PKNOX2: variants seen among roughly 807,000 people sequenced by gnomAD.
PKNOX2 encodes the protein homeobox protein PKNOX2.
In PKNOX2, 14 loss-of-function variants were observed where a neutral mutation model predicts 53.1. The ratio of observed to expected loss-of-function variants is 0.26; its 90% CI spans 0.17 to 0.41. The LOEUF is 0.41. PKNOX2 is among the 10% of genes least tolerant of loss of function. The pLI is 1.00. For missense variants in PKNOX2, 496 were observed against 602.8 expected, an observed-to-expected ratio of 0.82 and a Z score of 1.85; for synonymous variants, 257 against 242.8, an observed-to-expected ratio of 1.06 and a Z score of -0.54.
intron 2 of PKNOX2, among the ~76,000 whole-genome samples, chr11:125,254,311 G>A (rs1304907948): frequency 2.0e-5 from 3 of 152,252 alleles, no homozygotes; most frequent in Non-Finnish European, 2.9e-5. Context: ...CTGCAAAGGG[G>A]CGATGGGGTT....
intron 7 of PKNOX2, among the ~76,000 whole-genome samples, chr11:125,401,381 A>G (rs1358409775): frequency 6.6e-6 from 1 of 152,196 alleles, no homozygotes; most frequent in Non-Finnish European, 1.5e-5. Context: ...GAGGCGGGAA[A>G]GTCAGGAGGA....
chr11:125,367,809 A>G lies in PKNOX2; in HGVS notation c.88-37A>G, dbSNP rs748591045. ...CAGCCTGGAGACCAGCACCCTGGCC[A>G]TGCTAACCCACCACCTCCCCTTTCT... On this transcript the variant is annotated intron_variant, in intron 4 of 12. Coordinates refer to ENST00000298282, the MANE Select transcript of PKNOX2 (RefSeq NM_001382323.2). 10 of 1,597,140 alleles carry G rather than the reference A, an allele frequency of 6.3e-6. No individual in the cohort carries two copies. The East Asian group carries it at 9.0e-5, about 14-fold the overall frequency.
At chr11:125,378,882 C>G (rs796778880) in intron 5 of PKNOX2, among the ~76,000 whole-genome samples, 1 of 152,108 alleles carries the variant, frequency 6.6e-6, no homozygotes, top group African/African-American at 2.4e-5. Flanking sequence ...GCATCTTCGC[C>G]TCTCTGAAGC....
chr11:125,180,904 G>T lies in PKNOX2; in HGVS notation c.-201+16128G>T, dbSNP rs115379875. On this transcript the variant is annotated intron_variant, in intron 1 of 12. Transcript: ENST00000298282. ...CTGTCAAGGTCAATCCACAGGAAAT[G>T]ATTATTTAGCTCTGACTTGGTAGAG... 5.6e-3 allele frequency among the ~76,000 whole-genome samples: 855 copies of T among 152,326 alleles called. 10 individuals are homozygous for T. Among genetic ancestry groups the T allele is most frequent in the African/African-American group, 0.02 (819 of 41,558 alleles).
intron 1 of PKNOX2, among the ~76,000 whole-genome samples, chr11:125,189,445 GTGTATATATATATATATATATATATA>G (rs1472779291): frequency 7.9e-5 from 4 of 50,584 alleles, no homozygotes; most frequent in East Asian, 1.1e-3. Context: ...GTGTGTGTGT[GTGTATATATATATATATATATATATA>G]TATATATATA....
intron 3 of PKNOX2, chr11:125,332,702 A>C (rs748058526): frequency 1.3e-5 from 2 of 152,100 alleles, no homozygotes; most frequent in Non-Finnish European, 2.9e-5. Flanking sequence ...AGTTTCCCTG[A>C]TGTCTTAGGG....
intron 1 of PKNOX2, among the ~76,000 whole-genome samples, chr11:125,175,424 C>G (rs532783504): frequency 4.6e-5 from 7 of 152,316 alleles, no homozygotes; most frequent in African/African-American, 1.7e-4. Flanking sequence ...GCTGCCACAG[C>G]TAGCTTGCAG....
At position 125,431,737 on chromosome 11, in the gene PKNOX2, A is replaced by G. The variant is rs185557835; in HGVS notation, c.*345A>G. 121 of 309,572 alleles carry G rather than the reference A, an allele frequency of 3.9e-4. 2 individuals carry two copies. The East Asian group carries it at 7.2e-3, about 18-fold the overall frequency. 19.2% of individuals were successfully genotyped at this position (309,572 alleles called of 1,614,324 possible). ...ACCCACGGAAGGACTTGAGTTGTTT[A>G]CAAGCCCTGCACTGAGGCAGATTGG... On this transcript the variant is annotated 3_prime_UTR_variant, in exon 13 of 13. Coordinates refer to ENST00000298282, the MANE Select transcript of PKNOX2 (RefSeq NM_001382323.2).
At chr11:125,315,033 A>G (rs891651212) in intron 2 of PKNOX2, among the ~76,000 whole-genome samples, 2 of 152,144 alleles carry the variant, frequency 1.3e-5, no homozygotes, top group Non-Finnish European at 2.9e-5. Context: ...GGAGCCGGAC[A>G]GAGTCCTCTC....
intron 2 of PKNOX2, among the ~76,000 whole-genome samples, chr11:125,248,684 G>A (rs1943745744): frequency 6.8e-6 from 1 of 147,616 alleles, no homozygotes; most frequent in African/African-American, 2.5e-5. Flanking sequence ...TGTTATGTAT[G>A]TTATATATAC....
intron 4 of PKNOX2, among the ~76,000 whole-genome samples, chr11:125,364,023 C>T (rs1952057814): frequency 6.6e-6 from 1 of 152,190 alleles, no homozygotes; most frequent in South Asian, 2.1e-4. Flanking sequence ...GCAGTTTCAG[C>T]CCACTGCTTA....
At chr11:125,232,744 C>G (rs1390873117) in intron 1 of PKNOX2, among the ~76,000 whole-genome samples, 1 of 152,138 alleles carries the variant, frequency 6.6e-6, no homozygotes, top group Non-Finnish European at 1.5e-5. Context: ...ATTACTGCAG[C>G]CTATGATCAC....
At chr11:125,360,139 T>C (rs1452889917) in intron 4 of PKNOX2, among the ~76,000 whole-genome samples, 8 of 135,102 alleles carry the variant, frequency 5.9e-5, no homozygotes, top group Non-Finnish European at 1.2e-4. Context: ...AGAGCGAAAC[T>C]CCATCTCAAA....
intron 2 of PKNOX2, among the ~76,000 whole-genome samples, chr11:125,288,503 C>A (rs969812916): frequency 1.4e-4 from 21 of 152,228 alleles, no homozygotes; most frequent in Non-Finnish European, 2.9e-4. Flanking sequence ...CAGCTCCCAG[C>A]GACAGCTTGT....
intron 5 of PKNOX2, 65 bp downstream of exon 5, chr11:125,368,050 G>C: frequency 1.3e-6 from 2 of 1,551,770 alleles, no homozygotes; most frequent in Non-Finnish European, 1.7e-6. Flanking sequence ...AGCTGTGAGG[G>C]ATGAGAATGC....
intron 1 of PKNOX2, among the ~76,000 whole-genome samples, chr11:125,211,759 T>C (rs1939881078): frequency 6.6e-6 from 1 of 152,124 alleles, no homozygotes. Flanking sequence ...CAGCTGTTTT[T>C]ATCAGTTGTC....
chr11:125,200,242 A>G (rs1366657074), intron 1 of PKNOX2, among the ~76,000 whole-genome samples: 1 of 152,186 alleles, frequency 6.6e-6, no homozygotes. Flanking sequence ...AAATAAGGCA[A>G]AGGGATGAGC....
At chr11:125,318,323 G>A (rs1421684536) in intron 2 of PKNOX2, among the ~76,000 whole-genome samples, 1 of 121,678 alleles carries the variant, frequency 8.2e-6, no homozygotes, top group African/African-American at 3.2e-5. Flanking sequence ...GTTTTACCAT[G>A]TTGCCCAGGT....
At chr11:125,314,078 T>A (rs551282183) in intron 2 of PKNOX2, among the ~76,000 whole-genome samples, 64 of 152,266 alleles carry the variant, frequency 4.2e-4, no homozygotes, top group African/African-American at 1.5e-3. Flanking sequence ...CGTAGGAGCA[T>A]CCAAGACTTC....
Sources: gnomAD v4.1 joint callset for allele counts (sites outside exome capture counted in the v4.1 genomes callset) on GRCh38, gnomAD v4.1.1 for gene constraint, MANE v1.5 for transcripts, NCBI Gene and HGNC (gene_info 2026-07-23, HGNC 2026-07-21) for gene names.